Variants in EYA4 observed in about 807,000 individuals in gnomAD.
The protein encoded by EYA4 is EYA transcriptional coactivator and phosphatase 4, also known as protein phosphatase EYA4.
In EYA4, 31 loss-of-function variants were observed where a neutral mutation model predicts 87.9. The observed-to-expected ratio is 0.35, with a 90% CI of 0.27 to 0.48. The LOEUF (loss-of-function observed/expected upper bound fraction) is 0.48, where lower values mean the gene tolerates loss of function less well. Among genes scored for constraint, EYA4 ranks in the 20% least tolerant of loss-of-function variants. EYA4 has a pLI of 0.99. For missense variants in EYA4, 678 were observed against 761.4 expected (o/e 0.89, Z 1.29); for synonymous variants, 263 against 270.6 (o/e 0.97, Z 0.28).
Position 133,249,694 on chromosome 6 carries a change from CT to C in EYA4, c.-66+7946del, listed in dbSNP as rs779313125. 3.9e-5 allele frequency among the ~76,000 whole-genome samples: 6 copies of C among 152,160 alleles called. No homozygotes were observed. The East Asian group carries it at 1.2e-3, about 29-fold the overall frequency. On this transcript the variant is annotated intron_variant, in intron 1 of 19. Transcript: ENST00000355286. ...GCTTTTTCTCTGGAAAACATCGCCC[CT>C]CTCCCCCTGCAAATATCTTTTCTAC...
chr6:133,318,631 T>G (rs1470618347), intron 2 of EYA4, among the ~76,000 whole-genome samples: 1 of 126,198 alleles, frequency 7.9e-6, no homozygotes, highest in African/African-American at 2.7e-5. Flanking sequence ...TTTTTTTTTT[T>G]TTAATCATCC....
At chr6:133,412,288 A>G (rs189282087) in intron 3 of EYA4, among the ~76,000 whole-genome samples, 2 of 152,324 alleles carry the variant, frequency 1.3e-5, no homozygotes, top group Non-Finnish European at 2.9e-5. Flanking sequence ...TTTTAAAAGT[A>G]CAATATGCAA....
intron 1 of EYA4, among the ~76,000 whole-genome samples, chr6:133,267,189 T>C (rs1408624796): frequency 6.6e-6 from 1 of 152,132 alleles, no homozygotes. Flanking sequence ...GAAAATAAAA[T>C]TTACTTATTG....
At chr6:133,428,531 G>A (rs925200943) in intron 3 of EYA4, among the ~76,000 whole-genome samples, 2 of 152,180 alleles carry the variant, frequency 1.3e-5, no homozygotes, top group Non-Finnish European at 2.9e-5. Context: ...TCTCATAACT[G>A]GAATTCCAGA....
At chr6:133,410,629 G>GTTTTTTTTTTTTTTTTTTTTTTTTTTT (rs1554252058) in intron 3 of EYA4, among the ~76,000 whole-genome samples, 9 of 148,354 alleles carry the variant, frequency 6.1e-5, no homozygotes, top group Non-Finnish European at 9.1e-5. Context: ...TAGAACTAAG[G>GTTTTTTTTTTTTTTTTTTTTTTTTTTT]TCTTAATTCC....
intron 3 of EYA4, among the ~76,000 whole-genome samples, chr6:133,386,720 G>A (rs1001312059): frequency 4.6e-5 from 7 of 152,174 alleles, no homozygotes; most frequent in Non-Finnish European, 1.0e-4. Context: ...CAGGAGTTAA[G>A]CCAGCTCTTG....
At chr6:133,520,030 A>C (rs1264315602) in intron 17 of EYA4, among the ~76,000 whole-genome samples, 1 of 152,082 alleles carries the variant, frequency 6.6e-6, no homozygotes, top group Non-Finnish European at 1.5e-5. Context: ...CCAATATCAT[A>C]CTGAATGGGC....
intron 2 of EYA4, among the ~76,000 whole-genome samples, chr6:133,318,632 T>TA (rs1562283547): frequency 4.7e-5 from 7 of 148,748 alleles, no homozygotes; most frequent in Admixed American, 1.3e-4. Flanking sequence ...TTTTTTTTTT[T>TA]TAATCATCCA....
intron 12 of EYA4, among the ~76,000 whole-genome samples, chr6:133,482,417 G>A (rs560946854): frequency 6.6e-6 from 1 of 152,316 alleles, no homozygotes; most frequent in African/African-American, 2.4e-5. Flanking sequence ...TGAGGGACCT[G>A]CCTGTCACTG....
At chr6:133,402,704 A>G (rs1788368160) in intron 3 of EYA4, among the ~76,000 whole-genome samples, 1 of 151,056 alleles carries the variant, frequency 6.6e-6, no homozygotes, top group Non-Finnish European at 1.5e-5. Flanking sequence ...GCTGTGCAAT[A>G]TAAAGATGAA....
At chr6:133,332,959 GCTTAGATGTCA>G (rs1782094656) in intron 2 of EYA4, among the ~76,000 whole-genome samples, 1 of 152,070 alleles carries the variant, frequency 6.6e-6, no homozygotes, top group African/African-American at 2.4e-5. Flanking sequence ...TTAGGCCCTA[GCTTAGATGTCA>G]CTTCCACTGA....
At chr6:133,449,478 A>T (rs768069969) in intron 5 of EYA4, among the ~76,000 whole-genome samples, 22 of 152,334 alleles carry the variant, frequency 1.4e-4, no homozygotes, top group Non-Finnish European at 2.9e-4. Flanking sequence ...TCTGATCTCA[A>T]CCAGAAACAT....
intron 1 of EYA4, among the ~76,000 whole-genome samples, chr6:133,270,573 A>G (rs768615219): frequency 6.6e-6 from 1 of 152,202 alleles, no homozygotes; most frequent in African/African-American, 2.4e-5. Flanking sequence ...ATTGATGACT[A>G]ACTTCTTCTA....
chr6:133,395,675 C>T (rs887152841), intron 3 of EYA4, among the ~76,000 whole-genome samples: 4 of 152,172 alleles, frequency 2.6e-5, no homozygotes, highest in Non-Finnish European at 5.9e-5. Context: ...ACAGAAGAAT[C>T]GCTTGAACCC....
chr6:133,341,192 G>A (rs1024710665), intron 2 of EYA4, among the ~76,000 whole-genome samples: 1 of 152,164 alleles, frequency 6.6e-6, no homozygotes, highest in African/African-American at 2.4e-5. Flanking sequence ...GCAAACAGTT[G>A]CCTAGGCTAC....
chr6:133,529,802 C>A lies in EYA4; in HGVS notation c.*997C>A. 1 of 983,672 alleles carries A rather than the reference C, an allele frequency of 1.0e-6. No homozygotes were observed. Among genetic ancestry groups the A allele is most frequent in the Non-Finnish European group, 1.2e-6 (1 of 828,350 alleles). 60.9% of individuals were successfully genotyped at this position (983,672 alleles called of 1,614,324 possible). ...AAATGTATGTAGAAGTCTCAAGTACCCCTTCTACAGTTTTACTGGAGAAAA... is the reference window on the plus strand; with the variant it reads ...AAATGTATGTAGAAGTCTCAAGTACACCTTCTACAGTTTTACTGGAGAAAA... On this transcript the variant is annotated 3_prime_UTR_variant, in exon 20 of 20. Coordinates refer to ENST00000355286, the MANE Select transcript of EYA4 (RefSeq NM_004100.5).
intron 3 of EYA4, among the ~76,000 whole-genome samples, chr6:133,384,978 A>G (rs1291062986): frequency 1.3e-5 from 2 of 152,152 alleles, no homozygotes; most frequent in Non-Finnish European, 2.9e-5. Context: ...TAATACATAC[A>G]TATATGGGTA....
intron 18 of EYA4, among the ~76,000 whole-genome samples, chr6:133,523,920 C>G (rs1800403212): frequency 6.6e-6 from 1 of 152,130 alleles, no homozygotes; most frequent in Non-Finnish European, 1.5e-5. Context: ...CAAACTTAGG[C>G]TCTGGCACAT....
intron 3 of EYA4, among the ~76,000 whole-genome samples, chr6:133,394,284 G>GTTT (rs869103311): frequency 0.03 from 536 of 17,748 alleles, 87 homozygotes; most frequent in African/African-American, 0.046. Context: ...ATAAGCTTGT[G>GTTT]TTTTTTTTTT....
Sources: gnomAD v4.1 joint callset for allele counts (sites outside exome capture counted in the v4.1 genomes callset) on GRCh38, gnomAD v4.1.1 for gene constraint, MANE v1.5 for transcripts, NCBI Gene and HGNC (gene_info 2026-07-23, HGNC 2026-07-21) for gene names.